The following NR6A1 variants were observed in gnomAD, a reference collection of about 807,000 sequenced individuals.
NR6A1 encodes retinoic acid receptor-related testis-associated receptor.
Under a neutral mutation model 59.1 loss-of-function variants are expected in NR6A1, and 7 were observed. The observed-to-expected ratio is 0.12, with a 90% CI of 0.07 to 0.22. The LOEUF is 0.22. NR6A1 is among the 10% of genes least tolerant of loss of function. The probability of loss-of-function intolerance (pLI) is 1.00; values close to 1 mark genes in which losing one functional copy is unlikely to be tolerated. For synonymous variants in NR6A1, 243 were observed against 236.1 expected (o/e 1.03, Z -0.27); for missense variants, 468 against 611.6 (o/e 0.77, Z 2.48).
At chr9:124,592,460 T>C (rs1835155814) in intron 2 of NR6A1, among the ~76,000 whole-genome samples, 1 of 152,224 alleles carries the variant, frequency 6.6e-6, no homozygotes, top group African/African-American at 2.4e-5. Context: ...GAATCAATTG[T>C]GTCAAGGAGG....
chr9:124,549,563 C>G (rs1464680398), intron 3 of NR6A1, among the ~76,000 whole-genome samples: 1 of 152,122 alleles, frequency 6.6e-6, no homozygotes, highest in Admixed American at 6.6e-5. Flanking sequence ...GTTTTCTGAC[C>G]AGCCAACTTT....
At chr9:124,714,122 A>T (rs570782515) in intron 2 of NR6A1, among the ~76,000 whole-genome samples, 3 of 152,232 alleles carry the variant, frequency 2.0e-5, no homozygotes, top group Non-Finnish European at 2.9e-5. Context: ...CATTATGCTA[A>T]GGGAAATAAG....
At chr9:124,524,329 A>AAT (rs1435969354) in intron 9 of NR6A1, among the ~76,000 whole-genome samples, 1 of 152,216 alleles carries the variant, frequency 6.6e-6, no homozygotes, top group African/African-American at 2.4e-5. Context: ...AATTTTAAAA[A>AAT]TTGAGATATA....
At chr9:124,757,552 G>A (rs994535188) in intron 1 of NR6A1, among the ~76,000 whole-genome samples, 2 of 150,510 alleles carry the variant, frequency 1.3e-5, no homozygotes, top group African/African-American at 4.9e-5. Flanking sequence ...TTTTCCCTTC[G>A]TTTTCCATAT....
chr9:124,705,287 T>C (rs1288151415), intron 2 of NR6A1, among the ~76,000 whole-genome samples: 1 of 152,236 alleles, frequency 6.6e-6, no homozygotes, highest in Non-Finnish European at 1.5e-5. Context: ...TTATTGAAAG[T>C]TGGAAATTAA....
At chr9:124,667,138 C>T (rs1382757504) in intron 2 of NR6A1, among the ~76,000 whole-genome samples, 1 of 151,344 alleles carries the variant, frequency 6.6e-6, no homozygotes, top group African/African-American at 2.4e-5. Context: ...TGGGTTCAAG[C>T]AATTCTTTGC....
chr9:124,751,410 G>C (rs1840495442), intron 1 of NR6A1, among the ~76,000 whole-genome samples: 2 of 152,166 alleles, frequency 1.3e-5, no homozygotes, highest in Non-Finnish European at 2.9e-5. Flanking sequence ...CTTCTAGATA[G>C]AGCACATATG....
intron 1 of NR6A1, among the ~76,000 whole-genome samples, chr9:124,750,185 T>C (rs528554371): frequency 5.9e-5 from 9 of 152,328 alleles, no homozygotes; most frequent in African/African-American, 2.2e-4. Context: ...TTTATATTAT[T>C]CACTCTTCAT....
chr9:124,548,770 A>C (rs1833683395), intron 3 of NR6A1, among the ~76,000 whole-genome samples: 1 of 152,176 alleles, frequency 6.6e-6, no homozygotes, highest in South Asian at 2.1e-4. Context: ...CTTTTGAACT[A>C]GTTAGCAAGT....
chr9:124,633,796 C>T (rs79466799), intron 2 of NR6A1, among the ~76,000 whole-genome samples: 341 of 152,348 alleles, frequency 2.2e-3, no homozygotes, highest in African/African-American at 8.0e-3. Flanking sequence ...AGAAACTGCA[C>T]GCATGGTGAT....
Position 124,628,952 on chromosome 9 carries a change from C to G in NR6A1, c.143-74382G>C, listed in dbSNP as rs547887794. Among the ~76,000 whole-genome samples the G allele has an allele frequency of 6.0e-4, 91 of 152,296 alleles. 1 individual carries two copies. In the South Asian group the frequency reaches 0.018, roughly 31 times the overall value. ...TAGGATTACAGGCGCGAGCCACCGC[C>G]CCCGGCCCTGGCCTTTGCTTTTAAT... On this transcript the variant is annotated intron_variant, in intron 2 of 9. Transcript: ENST00000487099.
intron 1 of NR6A1, among the ~76,000 whole-genome samples, chr9:124,754,256 C>T (rs191360216): frequency 1.2e-4 from 19 of 152,272 alleles, no homozygotes; most frequent in African/African-American, 4.6e-4. Context: ...ACATATATTG[C>T]CAAATTTTTC....
chr9:124,744,533 T>G (rs894903589), intron 1 of NR6A1, among the ~76,000 whole-genome samples: 2 of 152,212 alleles, frequency 1.3e-5, no homozygotes, highest in Non-Finnish European at 2.9e-5. Flanking sequence ...GCAGTGCATG[T>G]TCTGCAACAG....
chr9:124,556,707 C>T (rs1833939518), intron 2 of NR6A1, among the ~76,000 whole-genome samples: 1 of 152,096 alleles, frequency 6.6e-6, no homozygotes. Context: ...GTGATCTGCA[C>T]ACCTTGGCCT....
At chr9:124,675,907 G>A (rs1431696456) in intron 2 of NR6A1, among the ~76,000 whole-genome samples, 2 of 152,162 alleles carry the variant, frequency 1.3e-5, no homozygotes, top group African/African-American at 2.4e-5. Flanking sequence ...CGCTCTTGCC[G>A]GTACGTGTAG....
intron 2 of NR6A1, among the ~76,000 whole-genome samples, chr9:124,681,864 T>C (rs1389348774): frequency 6.6e-6 from 1 of 152,210 alleles, no homozygotes; most frequent in Non-Finnish European, 1.5e-5. Flanking sequence ...AAATCATGCT[T>C]GGGTAAAAGA....
At chr9:124,619,663 AGAAGTGT>A (rs1330104231) in intron 2 of NR6A1, among the ~76,000 whole-genome samples, 1 of 152,230 alleles carries the variant, frequency 6.6e-6, no homozygotes, top group Non-Finnish European at 1.5e-5. Flanking sequence ...GCTGCTTACT[AGAAGTGT>A]GACTTTACAC....
At position 124,634,066 on chromosome 9, in the gene NR6A1, A is replaced by C. The variant is rs574802293; in HGVS notation, c.143-79496T>G. On this transcript the variant is annotated intron_variant, in intron 2 of 9. Coordinates refer to ENST00000487099, the MANE Select transcript of NR6A1 (RefSeq NM_033334.4). ...TTAAGTTGATTATTCAGAGGATGAT[A>C]ATCCGAATTGTATTTGTATAGTCAG... Among the ~76,000 whole-genome samples, 91 of 152,354 alleles carry C rather than the reference A, an allele frequency of 6.0e-4. 1 individual carries two copies. The South Asian group carries it at 0.018, about 31-fold the overall frequency.
chr9:124,618,946 A>G (rs1296749099), intron 2 of NR6A1, among the ~76,000 whole-genome samples: 1 of 152,244 alleles, frequency 6.6e-6, no homozygotes, highest in Non-Finnish European at 1.5e-5. Flanking sequence ...GGACGAATTT[A>G]GCAGCACCAA....
Sources: allele counts gnomAD v4.1 joint callset (sites outside exome capture counted in the v4.1 genomes callset), GRCh38; gene constraint gnomAD v4.1.1; transcripts MANE v1.5; gene names NCBI Gene and HGNC (gene_info 2026-07-23, HGNC 2026-07-21).